Variants in ZNF497 observed in about 807,000 individuals in gnomAD.
ZNF497 encodes the protein zinc finger-like protein.
For synonymous variants in ZNF497, 422 were observed against 313.7 expected (o/e 1.35, Z -3.65); for missense variants, 930 against 714.0 (o/e 1.30, Z -3.45).
At chr19:58,358,354 C>A in intron 2 of ZNF497, 135 bp downstream of exon 2, 2 of 1,228,772 alleles carry the variant, frequency 1.6e-6, no homozygotes, top group Non-Finnish European at 2.1e-6. Flanking sequence ...CCTGTCCAGC[C>A]GATCCTTCCC....
At position 58,355,711 on chromosome 19, in the gene ZNF497, G is replaced by A. The variant is rs144190258; in HGVS notation, c.*428C>T. 1.1e-4 allele frequency: 18 copies of A among 166,652 alleles called. No individual in the cohort carries two copies. The East Asian group carries it at 3.2e-3, about 29-fold the overall frequency. 10.3% of individuals were successfully genotyped at this position (166,652 alleles called of 1,614,324 possible). On this transcript the variant is annotated 3_prime_UTR_variant, in exon 3 of 3. Coordinates refer to ENST00000311044, the MANE Select transcript of ZNF497 (RefSeq NM_198458.3). ...TGAGATGAAGTGCTGACTGAAGCGA[G>A]CACCTTAGGAGACACAGTGGCCACT... is the stretch of plus-strand genomic sequence containing the variant.
At chr19:58,359,980 AAAAAAG>A (rs1429953731) in intron 1 of ZNF497, among the ~76,000 whole-genome samples, 1 of 152,196 alleles carries the variant, frequency 6.6e-6, no homozygotes, top group Non-Finnish European at 1.5e-5. Flanking sequence ...TCAAAAAAAA[AAAAAAG>A]AGAATAAATA....
chr19:58,357,193 TTGGAG>T lies in ZNF497; in HGVS notation c.438_442del (p.Ser146ArgfsTer180). ...GTGGATGCGCTGGTGCTGGCTGAGG[TTGGAG>T]CTCCAGGCGAAGGCCTTGCCGCACT... On this transcript the variant is annotated frameshift_variant, in exon 3 of 3. Coordinates refer to ENST00000311044, the MANE Select transcript of ZNF497 (RefSeq NM_198458.3). 6.2e-7 allele frequency: 1 copy of T among 1,612,940 alleles called. No homozygotes were observed. Among genetic ancestry groups the T allele is most frequent in the East Asian group, 2.2e-5 (1 of 44,830 alleles).
chr19:58,360,824 C>T (rs960370586), intron 1 of ZNF497, among the ~76,000 whole-genome samples: 3 of 125,438 alleles, frequency 2.4e-5, no homozygotes, highest in African/African-American at 9.4e-5. Flanking sequence ...CTCTGTCGCC[C>T]AGGCTGGAGT....
chr19:58,355,692 G>C lies in ZNF497; in HGVS notation c.*447C>G, dbSNP rs2148004582. 6.2e-6 allele frequency: 1 copy of C among 161,966 alleles called. No individual in the cohort carries two copies. Among genetic ancestry groups the C allele is most frequent in the East Asian group, 1.8e-4 (1 of 5,458 alleles). 10.0% of individuals were successfully genotyped at this position (161,966 alleles called of 1,614,324 possible). A position where few individuals can be genotyped will look rare whatever the true frequency, so the allele number is the denominator to read the frequency against. Reference sequence around the variant, plus strand: ...ACTGTCACCTGTGGTTGCCTGAGATGAAGTGCTGACTGAAGCGAGCACCTT... The same window carrying C: ...ACTGTCACCTGTGGTTGCCTGAGATCAAGTGCTGACTGAAGCGAGCACCTT... On this transcript the variant is annotated 3_prime_UTR_variant, in exon 3 of 3. Coordinates refer to ENST00000311044, the MANE Select transcript of ZNF497 (RefSeq NM_198458.3).
chr19:58,359,122 T>G (rs1377250562), intron 1 of ZNF497: 6 of 1,179,032 alleles, frequency 5.1e-6, no homozygotes, highest in Non-Finnish European at 5.6e-6. Flanking sequence ...CCAGGGCCCC[T>G]CGGGGCCCTG....
Position 58,357,892 on chromosome 19 carries a change from GGCCCA to G in ZNF497, c.-14-248_-14-244del, listed in dbSNP as rs1599912461. The G allele has an allele frequency of 3.7e-6, 5 of 1,367,128 alleles. No homozygotes were observed. In the East Asian group the frequency reaches 1.4e-4, roughly 38 times the overall value. 84.7% of individuals were successfully genotyped at this position (1,367,128 alleles called of 1,614,324 possible). The stretch of plus-strand genomic sequence containing the variant: ...ACGTGCACATCCCCACACCCGGCCC[GGCCCA>G]GCAGGAGGGGAGGGGGCGCCAGCAT... On this transcript the variant is annotated intron_variant, in intron 2 of 2. Transcript: ENST00000311044.
In ZNF497 at chr19:58,357,461, C is replaced by A; in HGVS notation, c.175G>T (p.Ala59Ser). ...TGTTCGTCCGCCGCCCCCAGTGTGGCTTGCTGCCGCTGGCCGTCCCCTGCC... is the reference window on the plus strand; with the variant it reads ...TGTTCGTCCGCCGCCCCCAGTGTGGATTGCTGCCGCTGGCCGTCCCCTGCC... Reference protein sequence around the residue: ...REAGDGQRQQATLGAADEQGG... With the variant: ...REAGDGQRQQSTLGAADEQGG... The change falls in exon 3 of 3, where the codon GCC (alanine) becomes TCC (serine). Residue 59 changes from alanine to serine, a missense_variant. Physicochemically the swap from Ala to Ser is moderately conservative, Grantham distance 99 (BLOSUM62 1). Transcript: ENST00000311044. 6.3e-7 allele frequency: 1 copy of A among 1,595,558 alleles called. No individual in the cohort carries two copies. The highest frequency in any genetic ancestry group is 1.1e-5 in the South Asian group (1 of 89,118).
chr19:58,361,367 CTTTT>C (rs1328826944), intron 1 of ZNF497, among the ~76,000 whole-genome samples: 3 of 151,978 alleles, frequency 2.0e-5, no homozygotes, highest in African/African-American at 7.3e-5. Flanking sequence ...TTTCTCTTCT[CTTTT>C]TTTGAGACAG....
chr19:58,356,140 C>T lies in ZNF497; in HGVS notation c.1496G>A (p.Ter499=), dbSNP rs148250594. ...QKRHGGRAAP[*] is the part of the protein sequence containing the mutation. ...CCTCCCGCTCAGGGCGTCCTCGGGTCAGGGCGCAGCGCGGCCCCCGTGCCG... is the reference window on the plus strand; with the variant it reads ...CCTCCCGCTCAGGGCGTCCTCGGGTTAGGGCGCAGCGCGGCCCCCGTGCCG... The change falls in exon 3 of 3, where the codon TGA becomes TAA. Residue 499 remains the stop codon, a stop_retained_variant. Transcript: ENST00000311044. The T allele has an allele frequency of 3.8e-5, 59 of 1,549,312 alleles. No homozygotes were observed. Among genetic ancestry groups the T allele is most frequent in the Non-Finnish European group, 5.0e-5 (58 of 1,148,608 alleles).
In ZNF497 at chr19:58,355,948, G is replaced by A; in HGVS notation, c.*191C>T. The A allele has an allele frequency of 1.6e-6, 1 of 624,766 alleles. No homozygotes were observed. The highest frequency in any genetic ancestry group is 2.6e-6 in the Non-Finnish European group (1 of 384,018). The allele number at this position is 624,766 out of a possible 1,614,324, so 38.7% of individuals were successfully genotyped here. A position where few individuals can be genotyped will look rare whatever the true frequency, so the allele number is the denominator to read the frequency against. On this transcript the variant is annotated 3_prime_UTR_variant, in exon 3 of 3. Transcript: ENST00000311044. ...TCCTACATGTCCCCAGACAGGCCTG[G>A]GTGGCCGGTGGACTATCGTCAAAGG... is the stretch of plus-strand genomic sequence containing the variant.
At chr19:58,361,306 C>T (rs995340706) in intron 1 of ZNF497, among the ~76,000 whole-genome samples, 9 of 152,112 alleles carry the variant, frequency 5.9e-5, no homozygotes, top group Non-Finnish European at 1.2e-4. Context: ...GGGGATCCTT[C>T]GTGATGGAAA....
At position 58,358,489 on chromosome 19, in the gene ZNF497, C is replaced by T; in HGVS notation, c.-15G>A. Reference sequence around the variant, plus strand: ...GACAAGTGTGTAGATGGTGCCATACCTGGAGGTGGGGCCTGGAAGGGGCCC... The same window carrying T: ...GACAAGTGTGTAGATGGTGCCATACTTGGAGGTGGGGCCTGGAAGGGGCCC... On this transcript the variant is annotated splice_region_variant and 5_prime_UTR_variant, in exon 2 of 3. Coordinates refer to ENST00000311044, the MANE Select transcript of ZNF497 (RefSeq NM_198458.3). The T allele has an allele frequency of 8.5e-7, 1 of 1,179,694 alleles. No individual in the cohort carries two copies. Among genetic ancestry groups the T allele is most frequent in the South Asian group, 1.6e-5 (1 of 63,346 alleles). The allele number at this position is 1,179,694 out of a possible 1,614,324, so 73.1% of individuals were successfully genotyped here. A position where few individuals can be genotyped will look rare whatever the true frequency, so the allele number is the denominator to read the frequency against.
chr19:58,356,143 G>A lies in ZNF497; in HGVS notation c.1493C>T (p.Pro498Leu). 6.4e-7 allele frequency: 1 copy of A among 1,553,108 alleles called. No individual in the cohort carries two copies. The highest frequency in any genetic ancestry group is 8.7e-7 in the Non-Finnish European group (1 of 1,150,184). ...CCCGCTCAGGGCGTCCTCGGGTCAG[G>A]GCGCAGCGCGGCCCCCGTGCCGCTT... ...HQKRHGGRAA[P>L] Residue 498 changes from proline (P) to leucine (L), a missense_variant, in exon 3 of 3, where the codon CCC (proline) becomes CTC (leucine). Pro to Leu is a moderately conservative substitution (Grantham distance 98). Coordinates refer to ENST00000311044, the MANE Select transcript of ZNF497 (RefSeq NM_198458.3).
rs193006676 is a variant in ZNF497, at chr19:58,358,082, G to A, written c.-15+407C>T. 100 of 1,232,508 alleles carry A rather than the reference G, an allele frequency of 8.1e-5. No homozygotes were observed. The African/African-American group carries it at 1.3e-3, about 16-fold the overall frequency. 76.3% of individuals were successfully genotyped at this position (1,232,508 alleles called of 1,614,324 possible). On this transcript the variant is annotated intron_variant, in intron 2 of 2. Transcript: ENST00000311044. ...CCGTCTCCATTCCTGAAGGCTGGAG[G>A]ACACCGCCTGACCCAAACACAGCTA...
intron 1 of ZNF497, chr19:58,359,002 C>T (rs1307705420): frequency 4.1e-6 from 2 of 485,254 alleles, no homozygotes; most frequent in South Asian, 3.0e-5. Flanking sequence ...AGGCCTGGAT[C>T]TCTGGGAGCA....
Position 58,356,859 on chromosome 19 carries a change from G to A in ZNF497, c.777C>T (p.Ser259=). 6.3e-7 allele frequency: 1 copy of A among 1,585,894 alleles called. No individual in the cohort carries two copies. The highest frequency in any genetic ancestry group is 8.5e-7 in the Non-Finnish European group (1 of 1,171,250). Residue 259 remains serine (S), a synonymous_variant, in exon 3 of 3, where the codon TCC becomes TCT. Coordinates refer to ENST00000311044, the MANE Select transcript of ZNF497 (RefSeq NM_198458.3). ...GGATCTTCAGGTGCTCGGCCAGGTTGGAGCTCTGGCTGAAGGCCTTGCCAC... is the reference window on the plus strand; with the variant it reads ...GGATCTTCAGGTGCTCGGCCAGGTTAGAGCTCTGGCTGAAGGCCTTGCCAC... The part of the protein sequence containing the change: ...RDCGKAFSQS[S]NLAEHLKIHA...
chr19:58,357,798 C>T, intron 2 of ZNF497, 149 bp from the exon 3 acceptor site: 1 of 1,197,962 alleles, frequency 8.3e-7, no homozygotes, highest in Non-Finnish European at 1.1e-6. Context: ...GAGCCTGGAG[C>T]AGGAAGGCCA....
At chr19:58,359,483 A>G (rs764722151) in intron 1 of ZNF497, 3 of 456,634 alleles carry the variant, frequency 6.6e-6, no homozygotes, top group Non-Finnish European at 1.3e-5. Context: ...TGCCTGAGGG[A>G]CACACTGAGG....
Sources: allele counts gnomAD v4.1 joint callset (sites outside exome capture counted in the v4.1 genomes callset), GRCh38; gene constraint gnomAD v4.1.1; transcripts MANE v1.5; gene names NCBI Gene and HGNC (gene_info 2026-07-23, HGNC 2026-07-21).